Variants in MECOM observed in about 807,000 individuals in gnomAD.
MECOM encodes the protein MDS1 and EVI1 complex locus, also known as histone-lysine N-methyltransferase MECOM.
A neutral mutation model predicts 116.3 loss-of-function variants in MECOM; 13 were observed. The ratio of observed to expected loss-of-function variants is 0.11; its 90% CI spans 0.07 to 0.18. The LOEUF is 0.18. MECOM is among the 10% of genes least tolerant of loss of function. The pLI is 1.00. For missense variants in MECOM, 1,299 were observed against 1,509.0 expected (o/e 0.86, Z 2.31); for synonymous variants, 528 against 535.2 (o/e 0.99, Z 0.19).
At chr3:169,234,264 G>A (rs75220386) in intron 2 of MECOM, among the ~76,000 whole-genome samples, 10 of 151,964 alleles carry the variant, frequency 6.6e-5, no homozygotes, top group South Asian at 4.2e-4. Flanking sequence ...CACTGAGAAC[G>A]ATAGCAAGGG....
Position 169,127,903 on chromosome 3 carries a change from T to C in MECOM, c.771A>G (p.Gln257=). ...QQKLESENDL[Q]EIHTIQECKE... ...TACACTCCTGGATCGTGTGTATCTCTTGGAGATCATTCTCGCTTTCGAGTT... is the reference window on the plus strand; with the variant it reads ...TACACTCCTGGATCGTGTGTATCTCCTGGAGATCATTCTCGCTTTCGAGTT... The change falls in exon 5 of 17, where the codon CAA becomes CAG. Residue 257 remains glutamine, a synonymous_variant. Transcript: ENST00000651503. The C allele has an allele frequency of 6.2e-7, 1 of 1,614,104 alleles. No homozygotes were observed. Among genetic ancestry groups the C allele is most frequent in the African/African-American group, 1.3e-5 (1 of 75,062 alleles).
rs1459505375 is a variant in MECOM, at chr3:169,131,495, C to G, written c.547G>C (p.Glu183Gln). 10 of 1,613,922 alleles carry G rather than the reference C, an allele frequency of 6.2e-6. No homozygotes were observed. The highest frequency in any genetic ancestry group is 7.6e-6 in the Non-Finnish European group (9 of 1,180,020). The change falls in exon 4 of 17, where the codon GAG (glutamate) becomes CAG (glutamine). Residue 183 changes from glutamate to glutamine, a missense_variant. Physicochemically the swap from Glu to Gln is conservative, Grantham distance 29 (BLOSUM62 2). Transcript: ENST00000651503. ...YRVVADIAPG[E>Q]ELLLFMKSED... is the part of the protein sequence containing the mutation. ...CTCTTCATGAACAGCAGAAGCTCCT[C>G]TCCCGGCGCAATGTCTGCAACTACT...
intron 2 of MECOM, among the ~76,000 whole-genome samples, chr3:169,284,574 C>T (rs1201669330): frequency 6.8e-6 from 1 of 147,690 alleles, no homozygotes; most frequent in Non-Finnish European, 1.5e-5. Context: ...TATGAGCGCA[C>T]ACACACACAC....
chr3:169,475,789 C>A (rs575955823), intron 1 of MECOM, among the ~76,000 whole-genome samples: 1 of 151,962 alleles, frequency 6.6e-6, no homozygotes, highest in African/African-American at 2.4e-5. Flanking sequence ...TTTTTAACCA[C>A]CAATAACAAA....
intron 1 of MECOM, among the ~76,000 whole-genome samples, chr3:169,381,863 C>A (rs2108280420): frequency 6.6e-6 from 1 of 152,316 alleles, no homozygotes; most frequent in East Asian, 1.9e-4. Flanking sequence ...ATGTGTGTAA[C>A]TACAACCCCC....
chr3:169,143,907 T>C (rs1038334265), intron 2 of MECOM, 75 bp from the exon 3 acceptor site: 2 of 1,441,076 alleles, frequency 1.4e-6, no homozygotes, highest in African/African-American at 2.9e-5. Flanking sequence ...TTTGAAAATA[T>C]TTCATTGAAA....
At chr3:169,304,052 C>A (rs373618560) in intron 2 of MECOM, among the ~76,000 whole-genome samples, 10 of 152,198 alleles carry the variant, frequency 6.6e-5, no homozygotes, top group Admixed American at 1.3e-4. Context: ...TCAAGGGAAG[C>A]AATTTCATCA....
intron 2 of MECOM, chr3:169,146,603 A>C (rs76660490): frequency 7.3e-7 from 1 of 1,371,560 alleles, no homozygotes; most frequent in African/African-American, 1.5e-5. Flanking sequence ...GGCGAGGAGG[A>C]AAGAAGGCTG....
At chr3:169,286,292 T>G (rs1713302250) in intron 2 of MECOM, among the ~76,000 whole-genome samples, 1 of 152,140 alleles carries the variant, frequency 6.6e-6, no homozygotes, top group Non-Finnish European at 1.5e-5. Context: ...GAAGCAAAGA[T>G]TTCCTTCTAG....
intron 1 of MECOM, among the ~76,000 whole-genome samples, chr3:169,574,265 T>C (rs749333807): frequency 2.0e-5 from 3 of 152,218 alleles, no homozygotes; most frequent in African/African-American, 4.8e-5. Flanking sequence ...ATGGAGGTTT[T>C]GCTACAGGAC....
intron 1 of MECOM, among the ~76,000 whole-genome samples, chr3:169,487,908 A>G (rs911675159): frequency 6.6e-6 from 1 of 152,206 alleles, no homozygotes; most frequent in Non-Finnish European, 1.5e-5. Context: ...CTTCAATGAA[A>G]AAATCATTAT....
chr3:169,475,556 T>G (rs996233562), intron 1 of MECOM, among the ~76,000 whole-genome samples: 8 of 151,804 alleles, frequency 5.3e-5, no homozygotes, highest in African/African-American at 1.9e-4. Flanking sequence ...CTTAGCACAT[T>G]AAAAATAGTG....
At chr3:169,639,085 G>T (rs1027158844) in intron 1 of MECOM, among the ~76,000 whole-genome samples, 1 of 152,058 alleles carries the variant, frequency 6.6e-6, no homozygotes, top group East Asian at 1.9e-4. Flanking sequence ...CCAATCATTA[G>T]GATTAGCAAC....
At chr3:169,563,724 C>A (rs553729651) in intron 1 of MECOM, among the ~76,000 whole-genome samples, 3 of 152,110 alleles carry the variant, frequency 2.0e-5, no homozygotes, top group Non-Finnish European at 4.4e-5. Flanking sequence ...TCAGGCATAG[C>A]GATTCACACA....
chr3:169,371,719 T>G (rs1730173113), intron 2 of MECOM, among the ~76,000 whole-genome samples: 1 of 152,012 alleles, frequency 6.6e-6, no homozygotes, highest in African/African-American at 2.4e-5. Context: ...AAAAATCTGT[T>G]GCATATGTCT....
chr3:169,381,231 C>T lies in MECOM; in HGVS notation c.331G>A (p.Gly111Arg), dbSNP rs1275667362. The change falls in exon 2 of 17, where the codon GGA becomes AGA. Residue 111 changes from glycine to arginine, a missense_variant. Gly to Arg is a moderately radical substitution (Grantham distance 125). Coordinates refer to ENST00000651503, the MANE Select transcript of MECOM (RefSeq NM_004991.4). The part of the protein sequence containing the change: ...EVGEKFGPYV[G>R]EQRSNLKDPS... ...TCTTTCAGGTTTGACCTCTGCTCTC[C>T]CACATAAGGCCCAAACTTTTCACCT... is the stretch of plus-strand genomic sequence containing the variant. The T allele has an allele frequency of 1.2e-6, 2 of 1,613,162 alleles. No individual in the cohort carries two copies. The highest frequency in any genetic ancestry group is 1.7e-6 in the Non-Finnish European group (2 of 1,179,198).
intron 1 of MECOM, among the ~76,000 whole-genome samples, chr3:169,607,033 C>G (rs1441224907): frequency 2.0e-5 from 3 of 152,182 alleles, no homozygotes; most frequent in Non-Finnish European, 4.4e-5. Flanking sequence ...AATTTGGAGT[C>G]TCCGCCATTT....
rs769872062 is a variant in MECOM at position 169,115,371 on chromosome 3, A to G, written c.2489+12T>C. On this transcript the variant is annotated intron_variant, in intron 8 of 16. Transcript: ENST00000651503. ...ATCTGCTCATATTTCGTCATCTTCC[A>G]TACACGCTTACCTGTAAATAGGGTC... is the stretch of plus-strand genomic sequence containing the variant. 1.4e-5 allele frequency: 22 copies of G among 1,610,244 alleles called. No individual in the cohort carries two copies. The highest frequency in any genetic ancestry group is 1.6e-5 in the Non-Finnish European group (19 of 1,178,006).
intron 2 of MECOM, among the ~76,000 whole-genome samples, chr3:169,322,781 T>A (rs1472114994): frequency 6.6e-6 from 1 of 151,812 alleles, no homozygotes; most frequent in Non-Finnish European, 1.5e-5. Flanking sequence ...GCATATCACC[T>A]GAGGTCAGGA....
Sources: allele counts gnomAD v4.1 joint callset (sites outside exome capture counted in the v4.1 genomes callset), GRCh38; gene constraint gnomAD v4.1.1; transcripts MANE v1.5; gene names NCBI Gene and HGNC (gene_info 2026-07-23, HGNC 2026-07-21).